Variants in HEG1 observed in about 807,000 individuals in gnomAD.
The protein encoded by HEG1 is heart development protein with EGF like domains 1, also known as protein HEG homolog 1.
HEG1 carries 56 observed loss-of-function variants against 125.6 expected under a neutral mutation model. That is an observed-to-expected ratio of 0.45 (90% CI 0.36 to 0.56). The LOEUF (loss-of-function observed/expected upper bound fraction) is 0.56, where lower values mean the gene tolerates loss of function less well. HEG1 is among the 20% of genes least tolerant of loss of function. The pLI is 0.00. For missense variants in HEG1, 1,523 were observed against 1,670.0 expected, an observed-to-expected ratio of 0.91 and a Z score of 1.53; for synonymous variants, 644 against 668.5, an observed-to-expected ratio of 0.96 and a Z score of 0.57.
intron 1 of HEG1, among the ~76,000 whole-genome samples, chr3:125,052,862 G>A (rs1259592578): frequency 2.0e-5 from 3 of 152,292 alleles, no homozygotes; most frequent in Non-Finnish European, 4.4e-5. Context: ...GAATGCAAAC[G>A]CGGTTACTCA....
At chr3:125,052,003 C>T (rs538309665) in intron 1 of HEG1, among the ~76,000 whole-genome samples, 3 of 152,138 alleles carry the variant, frequency 2.0e-5, no homozygotes, top group Non-Finnish European at 2.9e-5. Context: ...CCACACCATT[C>T]GGGTCTCTGG....
intron 14 of HEG1, among the ~76,000 whole-genome samples, chr3:124,979,260 C>A (rs1936608215): frequency 6.6e-6 from 1 of 152,066 alleles, no homozygotes; most frequent in Admixed American, 6.6e-5. Flanking sequence ...CCTAAAAATT[C>A]TTGATTCAGT....
intron 3 of HEG1, among the ~76,000 whole-genome samples, chr3:125,021,451 G>A (rs1031842210): frequency 3.3e-5 from 5 of 152,150 alleles, no homozygotes; most frequent in African/African-American, 4.8e-5. Flanking sequence ...CTACATTACA[G>A]CTTAAACAGG....
Position 124,997,841 on chromosome 3 carries a change from G to C in HEG1, c.3518-18C>G, listed in dbSNP as rs2107694515. On this transcript the variant is annotated intron_variant, in intron 11 of 16. Coordinates refer to ENST00000311127, the MANE Select transcript of HEG1 (RefSeq NM_020733.2). ...GCTGCCCGCTGGAATGGAAAAACAA[G>C]ACAGTGAAACAAAACAAAACCTTCT... 1 of 1,561,094 alleles carries C rather than the reference G, an allele frequency of 6.4e-7. No individual in the cohort carries two copies. The highest frequency in any genetic ancestry group is 1.7e-4 in the Middle Eastern group (1 of 5,888).
At chr3:124,985,399 G>A (rs896428685) in intron 14 of HEG1, among the ~76,000 whole-genome samples, 1 of 152,204 alleles carries the variant, frequency 6.6e-6, no homozygotes, top group East Asian at 1.9e-4. Context: ...TTTTAAAAAA[G>A]GAATTTATTT....
In HEG1 at chr3:125,013,607, C is replaced by T; in HGVS notation, c.1972G>A (p.Asp658Asn). ...GAGGAGGAAGAGGAGGAGGAGGAGTCACTAACAAACTCAGCATCAGTGTCC... is the reference window on the plus strand; with the variant it reads ...GAGGAGGAAGAGGAGGAGGAGGAGTTACTAACAAACTCAGCATCAGTGTCC... ...VLDTDAEFVS[D>N]SSSSSSSSSS... Residue 658 changes from aspartate (D) to asparagine (N), a missense_variant, in exon 6 of 17, where the codon GAC becomes AAC. By Grantham distance (23) the Asp-to-Asn change is conservative. Coordinates refer to ENST00000311127, the MANE Select transcript of HEG1 (RefSeq NM_020733.2). 1 of 1,351,144 alleles carries T rather than the reference C, an allele frequency of 7.4e-7. No homozygotes were observed. The highest frequency in any genetic ancestry group is 9.7e-7 in the Non-Finnish European group (1 of 1,030,694). The allele number at this position is 1,351,144 out of a possible 1,614,324, so 83.7% of individuals were successfully genotyped here. A position where few individuals can be genotyped will look rare whatever the true frequency, so the allele number is the denominator to read the frequency against.
At position 125,001,880 on chromosome 3, in the gene HEG1, G is replaced by A. The variant is rs568486364; in HGVS notation, c.3489C>T (p.Leu1163=). ...SCKSSAEVCQ[L]LGSQRRIFRA... The stretch of plus-strand genomic sequence containing the variant: ...TAAAGATCCGCCTCTGAGATCCCAA[G>A]AGCTGGCAGACCTCAGCAGAGGACT... Residue 1163 remains leucine, a synonymous_variant, in exon 11 of 17, where the codon CTC becomes CTT. Coordinates refer to ENST00000311127, the MANE Select transcript of HEG1 (RefSeq NM_020733.2). 6.3e-4 allele frequency: 1,023 copies of A among 1,613,572 alleles called. 19 individuals carry two copies. In the South Asian group the frequency reaches 9.6e-3, roughly 15 times the overall value.
At chr3:125,020,770 C>A (rs1224397923) in intron 4 of HEG1, 22 bp downstream of exon 4, 1 of 1,586,084 alleles carries the variant, frequency 6.3e-7, no homozygotes, top group South Asian at 1.1e-5. Flanking sequence ...CCTAATAGAT[C>A]AAGTAAAGAT....
In HEG1 at chr3:125,029,182, A is replaced by G; in HGVS notation, c.610+13T>C. On this transcript the variant is annotated intron_variant, in intron 2 of 16. Coordinates refer to ENST00000311127, the MANE Select transcript of HEG1 (RefSeq NM_020733.2). ...ACACATGCGTGAAATGCGCATCATC[A>G]GCACAAGCTCACCTAAGTTGCCACT... The G allele has an allele frequency of 4.4e-6, 7 of 1,607,310 alleles. No homozygotes were observed. Among genetic ancestry groups the G allele is most frequent in the Non-Finnish European group, 5.9e-6 (7 of 1,176,634 alleles).
chr3:124,970,943 A>AT, intron 16 of HEG1, 142 bp from the exon 17 acceptor site: 2 of 743,566 alleles, frequency 2.7e-6, no homozygotes, highest in Middle Eastern at 2.7e-4. Flanking sequence ...ATTATTTCTA[A>AT]TTTTTTTAAA....
intron 5 of HEG1, chr3:125,015,150 G>A: frequency 2.1e-6 from 1 of 470,166 alleles, no homozygotes; most frequent in Non-Finnish European, 3.3e-6. Context: ...GATGTCTGTT[G>A]CCCTTGCAAA....
rs2107699671 is a variant in HEG1, at chr3:125,010,569, C to G, written c.2957-14G>C. On this transcript the variant is annotated splice_polypyrimidine_tract_variant and intron_variant, in intron 6 of 16. Transcript: ENST00000311127. Reference sequence around the variant, plus strand: ...CACAGCTGTTGACTACAAACACATTCCAGGAGTAAAGCAGTTAACCACACA... The same window carrying G: ...CACAGCTGTTGACTACAAACACATTGCAGGAGTAAAGCAGTTAACCACACA... The G allele has an allele frequency of 6.7e-7, 1 of 1,491,700 alleles. No homozygotes were observed. Among genetic ancestry groups the G allele is most frequent in the Admixed American group, 2.0e-5 (1 of 50,026 alleles). 92.4% of individuals were successfully genotyped at this position (1,491,700 alleles called of 1,614,324 possible). A position where few individuals can be genotyped will look rare whatever the true frequency, so the allele number is the denominator to read the frequency against.
intron 14 of HEG1, among the ~76,000 whole-genome samples, chr3:124,978,506 C>G (rs1936588146): frequency 6.6e-6 from 1 of 152,082 alleles, no homozygotes; most frequent in Non-Finnish European, 1.5e-5. Flanking sequence ...TACCTGTGCA[C>G]CAGCCCCGAT....
intron 12 of HEG1, among the ~76,000 whole-genome samples, chr3:124,994,463 C>CA (rs1169970242): frequency 4.6e-5 from 7 of 151,972 alleles, no homozygotes; most frequent in Non-Finnish European, 8.8e-5. Flanking sequence ...CAAGTGAATT[C>CA]AAGTCTTCTG....
intron 6 of HEG1, among the ~76,000 whole-genome samples, chr3:125,012,005 T>G (rs573190635): frequency 2.0e-5 from 3 of 152,308 alleles, no homozygotes; most frequent in Non-Finnish European, 4.4e-5. Flanking sequence ...GCGGTCACTG[T>G]GGGAAAAGGT....
chr3:125,040,820 A>G (rs1372206998), intron 1 of HEG1, among the ~76,000 whole-genome samples: 1 of 152,038 alleles, frequency 6.6e-6, no homozygotes, highest in Non-Finnish European at 1.5e-5. Flanking sequence ...GGTCCTTTCC[A>G]GGAGAATGAA....
rs756073031 is a variant in HEG1 at position 125,001,971 on chromosome 3, G to A, written c.3398C>T (p.Ser1133Phe). 1.9e-6 allele frequency: 3 copies of A among 1,614,018 alleles called. No individual in the cohort carries two copies. Among genetic ancestry groups the A allele is most frequent in the East Asian group, 2.2e-5 (1 of 44,880 alleles). The change falls in exon 11 of 17, where the codon TCC becomes TTC. Residue 1133 changes from serine to phenylalanine, a missense_variant. By Grantham distance (155) the Ser-to-Phe change is radical. Transcript: ENST00000311127. Reference protein sequence around the residue: ...AVVISLQTTFSLASNVTLFDL... With the variant: ...AVVISLQTTFFLASNVTLFDL... Reference sequence around the variant, plus strand: ...AAATAGCGTCACATTGGAGGCCAGGGAAAAGGTTGTTTGCAGTGAGATCAC... The same window carrying A: ...AAATAGCGTCACATTGGAGGCCAGGAAAAAGGTTGTTTGCAGTGAGATCAC...
intron 12 of HEG1, among the ~76,000 whole-genome samples, chr3:124,996,799 A>C (rs1936929453): frequency 6.6e-6 from 1 of 152,222 alleles, no homozygotes; most frequent in Admixed American, 6.5e-5. Flanking sequence ...GACATCTGTC[A>C]CCAGCAAGGT....
intron 15 of HEG1, among the ~76,000 whole-genome samples, chr3:124,975,617 T>C (rs889779600): frequency 6.6e-6 from 1 of 152,238 alleles, no homozygotes; most frequent in African/African-American, 2.4e-5. Flanking sequence ...ATCACAATTT[T>C]AGAACAGTTT....
Sources: gnomAD v4.1 joint callset for allele counts (sites outside exome capture counted in the v4.1 genomes callset) on GRCh38, gnomAD v4.1.1 for gene constraint, MANE v1.5 for transcripts, NCBI Gene and HGNC (gene_info 2026-07-23, HGNC 2026-07-21) for gene names.